Variants in TOP3B observed in about 807,000 individuals in gnomAD.
TOP3B encodes DNA topoisomerase 3-beta-1.
A neutral mutation model predicts 93.9 loss-of-function variants in TOP3B; 45 were observed. That is an observed-to-expected ratio of 0.48 (90% CI 0.38 to 0.61). The LOEUF is 0.61. Ranked by LOEUF, TOP3B falls within the 20% of genes least tolerant of loss-of-function variation. The probability of loss-of-function intolerance (pLI) is 0.00; values close to 1 mark genes in which losing one functional copy is unlikely to be tolerated. For synonymous variants in TOP3B, 357 were observed against 472.6 expected (o/e 0.76, Z 3.17); for missense variants, 750 against 1,156.1 (o/e 0.65, Z 5.09).
At chr22:21,964,554 G>C (rs976455448) in intron 9 of TOP3B, 5 of 566,628 alleles carry the variant, frequency 8.8e-6, no homozygotes, top group African/African-American at 1.9e-5. Context: ...GGATGGGCCT[G>C]ATGGGAAACG....
At position 21,974,556 on chromosome 22, in the gene TOP3B, C is replaced by T. The variant is rs2071780429; in HGVS notation, c.71-68G>A. The T allele has an allele frequency of 4.0e-6, 6 of 1,491,400 alleles. No homozygotes were observed. The South Asian group carries it at 6.3e-5, about 16-fold the overall frequency. The allele number at this position is 1,491,400 out of a possible 1,614,324, so 92.4% of individuals were successfully genotyped here. On this transcript the variant is annotated intron_variant, in intron 2 of 17. Transcript: ENST00000357179. ...GCTGAAGACCCTGTGGAGACCCCAG[C>T]CCGGATGCCACCTCCCAGAGGGCCA...
chr22:21,971,292 A>AGGG lies in TOP3B; in HGVS notation c.384+584_384+585insCCC, dbSNP rs3054504. 1.4e-5 allele frequency: 4 copies of AGGG among 291,144 alleles called. No homozygotes were observed. The highest frequency in any genetic ancestry group is 9.5e-5 in the Admixed American group (2 of 21,012). 18.0% of individuals were successfully genotyped at this position (291,144 alleles called of 1,614,324 possible). A position where few individuals can be genotyped will look rare whatever the true frequency, so the allele number is the denominator to read the frequency against. Reference sequence around the variant, plus strand: ...GTACAGGAGCACGGGGGCGACCCATAGAACAACAGTCTGAAGGGCACCAAG... The same window carrying AGGG: ...GTACAGGAGCACGGGGGCGACCCATAGGGGAACAACAGTCTGAAGGGCACCAAG... On this transcript the variant is annotated intron_variant, in intron 5 of 17. Coordinates refer to ENST00000357179, the MANE Select transcript of TOP3B (RefSeq NM_001282112.2). This position sits in a 1 kb window ranked among gnomAD's most constrained non-coding sequence, Gnocchi z 4.6.
chr22:21,963,900 C>T lies in TOP3B; in HGVS notation c.1204+23G>A, dbSNP rs771532412. The T allele has an allele frequency of 1.4e-5, 23 of 1,611,032 alleles. No individual in the cohort carries two copies. Among genetic ancestry groups the T allele is most frequent in the Middle Eastern group, 1.8e-4 (1 of 5,662 alleles). On this transcript the variant is annotated intron_variant, in intron 11 of 17. Coordinates refer to ENST00000357179, the MANE Select transcript of TOP3B (RefSeq NM_001282112.2). The surrounding 1 kb of genome is among the most constrained non-coding windows in gnomAD (Gnocchi z 4.8). ...CGCCCTTCCCTCCCTGGAAGCACAC[C>T]GGGTATGGGATGAGAGCGGTACCTA...
intron 1 of TOP3B, among the ~76,000 whole-genome samples, chr22:21,980,680 C>A (rs993906622): frequency 6.6e-6 from 1 of 152,252 alleles, no homozygotes; most frequent in Non-Finnish European, 1.5e-5. Flanking sequence ...CCCATGACAG[C>A]TCCAGCTGCA....
chr22:21,965,332 A>T lies in TOP3B; in HGVS notation c.896T>A (p.Leu299Gln). The change falls in exon 9 of 18, where the codon CTG (leucine) becomes CAG (glutamine). Residue 299 changes from leucine (L) to glutamine (Q), a missense_variant. Coordinates refer to ENST00000357179, the MANE Select transcript of TOP3B (RefSeq NM_001282112.2). ...CAGCATCTCCACAGTGTTCAGGGCC[A>T]GGGGCCTCTGCTTGGCCTTTTCTTT... ...SRKEKAKQRP[L>Q]ALNTVEMLRV... 6.2e-7 allele frequency: 1 copy of T among 1,609,658 alleles called. No individual in the cohort carries two copies. The highest frequency in any genetic ancestry group is 1.1e-5 in the South Asian group (1 of 90,108).
chr22:21,964,534 C>T, intron 9 of TOP3B: 1 of 593,288 alleles, frequency 1.7e-6, no homozygotes, highest in South Asian at 2.0e-5. Context: ...AAGGCTGAAT[C>T]CTACACCCAG....
rs574192868 is a variant in TOP3B at position 21,972,153 on chromosome 22, T to C, written c.310-202A>G. 9.1e-6 allele frequency: 5 copies of C among 550,368 alleles called. No individual in the cohort carries two copies. The East Asian group carries it at 1.5e-4, about 17-fold the overall frequency. 34.1% of individuals were successfully genotyped at this position (550,368 alleles called of 1,614,324 possible). ...GAATTGAGTTTATAATTGATGTTTTTTGGACCAAAAAAAAAAGTATAAATG... is the reference window on the plus strand; with the variant it reads ...GAATTGAGTTTATAATTGATGTTTTCTGGACCAAAAAAAAAAGTATAAATG... On this transcript the variant is annotated intron_variant, in intron 4 of 17. Coordinates refer to ENST00000357179, the MANE Select transcript of TOP3B (RefSeq NM_001282112.2).
intron 11 of TOP3B, 37 bp from the exon 12 acceptor site, chr22:21,962,930 T>G: frequency 6.2e-7 from 1 of 1,602,866 alleles, no homozygotes; most frequent in Non-Finnish European, 8.5e-7. Context: ...GGGAGCCAGC[T>G]GGGGGCTCTG....
Position 21,971,794 on chromosome 22 carries a change from G to T in TOP3B, c.384+83C>A. ...TTTACTCCCTCCTTTGGCCCCAGGA[G>T]TGATGTGACTGACTGCTGGTGTCAG... is the stretch of plus-strand genomic sequence containing the variant. On this transcript the variant is annotated intron_variant, in intron 5 of 17. Coordinates refer to ENST00000357179, the MANE Select transcript of TOP3B (RefSeq NM_001282112.2). The surrounding 1 kb of genome is among the most constrained non-coding windows in gnomAD (Gnocchi z 4.6). 1 of 1,259,562 alleles carries T rather than the reference G, an allele frequency of 7.9e-7. No homozygotes were observed. Among genetic ancestry groups the T allele is most frequent in the Non-Finnish European group, 1.2e-6 (1 of 859,620 alleles). The allele number at this position is 1,259,562 out of a possible 1,614,324, so 78.0% of individuals were successfully genotyped here. A position where few individuals can be genotyped will look rare whatever the true frequency, so the allele number is the denominator to read the frequency against.
rs754621026 is a variant in TOP3B at position 21,959,157 on chromosome 22, C to T, written c.1880G>A (p.Cys627Tyr). The change falls in exon 16 of 18, where the codon TGC becomes TAC. Residue 627 changes from cysteine (C) to tyrosine (Y), a missense_variant. By Grantham distance (194) the Cys-to-Tyr change is radical. Coordinates refer to ENST00000357179, the MANE Select transcript of TOP3B (RefSeq NM_001282112.2). Reference sequence around the variant, plus strand: ...CTGGATGTACTTCATGAAGCGGTGGCACTTCCCACAGCGTGAGAGGGGCTT... The same window carrying T: ...CTGGATGTACTTCATGAAGCGGTGGTACTTCCCACAGCGTGAGAGGGGCTT... Reference protein sequence around the residue: ...TGKPLSRCGKCHRFMKYIQAK... With the variant: ...TGKPLSRCGKYHRFMKYIQAK... 6.2e-7 allele frequency: 1 copy of T among 1,613,876 alleles called. No individual in the cohort carries two copies. The highest frequency in any genetic ancestry group is 1.1e-5 in the South Asian group (1 of 91,080).
At chr22:21,972,952 C>A in intron 3 of TOP3B, 1 of 513,864 alleles carries the variant, frequency 1.9e-6, no homozygotes, top group East Asian at 3.9e-5. Flanking sequence ...CCACCACACC[C>A]CGGCCAACCA....
intron 10 of TOP3B, 35 bp from the exon 11 acceptor site, chr22:21,964,063 G>A: frequency 1.9e-6 from 3 of 1,600,554 alleles, no homozygotes; most frequent in Non-Finnish European, 2.6e-6. Context: ...GTCTGTGGCT[G>A]GGCTCGGCTG....
intron 8 of TOP3B, chr22:21,967,263 G>C: frequency 3.7e-6 from 1 of 268,830 alleles, no homozygotes; most frequent in African/African-American, 2.2e-5. Flanking sequence ...CTCTACAGTT[G>C]TTAGTTTGAA....
Position 21,960,482 on chromosome 22 carries a change from T to A in TOP3B, c.1526-33A>T, listed in dbSNP as rs765713080. ...GTACAAGGCCCCAGGGTTCCTGGCC[T>A]GCCTTGGACATGCCCCACTGAACCA... is the stretch of plus-strand genomic sequence containing the variant. On this transcript the variant is annotated intron_variant, in intron 13 of 17. Transcript: ENST00000357179. 3.7e-6 allele frequency: 6 copies of A among 1,611,438 alleles called. No individual in the cohort carries two copies. In the South Asian group the frequency reaches 5.5e-5, roughly 15 times the overall value.
chr22:21,970,642 T>G lies in TOP3B; in HGVS notation c.385-236A>C, dbSNP rs1466119340. 7.1e-6 allele frequency: 4 copies of G among 565,872 alleles called. No individual in the cohort carries two copies. The East Asian group carries it at 1.2e-4, about 17-fold the overall frequency. The allele number at this position is 565,872 out of a possible 1,614,324, so 35.1% of individuals were successfully genotyped here. ...CACCCCACCACATGGCTTCCTTTAC[T>G]CCCATCTAGAAACATACTCGAACAC... On this transcript the variant is annotated intron_variant, in intron 5 of 17. Transcript: ENST00000357179. The surrounding 1 kb of genome is among the most constrained non-coding windows in gnomAD (Gnocchi z 4.4).
At chr22:21,957,950 A>G (rs1246730572) in intron 17 of TOP3B, 24 of 1,401,518 alleles carry the variant, frequency 1.7e-5, no homozygotes, top group Non-Finnish European at 2.0e-5. Context: ...TGGCGGCAGC[A>G]GGAGGGCAGG....
At chr22:21,958,856 G>C in intron 16 of TOP3B, 163 bp from the exon 17 acceptor site, 1 of 1,258,396 alleles carries the variant, frequency 7.9e-7, no homozygotes, top group Non-Finnish European at 1.1e-6. Flanking sequence ...CACGCGTGCA[G>C]AAAAGGCAGT....
Position 21,963,809 on chromosome 22 carries a change from GGGCA to G in TOP3B, c.1204+110_1204+113del. The G allele has an allele frequency of 9.1e-7, 1 of 1,096,108 alleles. No homozygotes were observed. The highest frequency in any genetic ancestry group is 2.0e-5 in the Admixed American group (1 of 49,758). 67.9% of individuals were successfully genotyped at this position (1,096,108 alleles called of 1,614,324 possible). ...AGGTGGCCCCCCATCCCCACAGCCA[GGGCA>G]GGCAGAGGCTGAAGGAGCCCCCACA... is the stretch of plus-strand genomic sequence containing the variant. On this transcript the variant is annotated intron_variant, in intron 11 of 17. Transcript: ENST00000357179. The surrounding 1 kb of genome is among the most constrained non-coding windows in gnomAD (Gnocchi z 4.8).
intron 1 of TOP3B, among the ~76,000 whole-genome samples, chr22:21,979,941 C>CAAAA (rs57880095): frequency 3.2e-4 from 17 of 53,386 alleles, no homozygotes; most frequent in East Asian, 6.0e-4. Flanking sequence ...ACTCCATCTC[C>CAAAA]AAAAAAAAAA....
Sources: allele counts gnomAD v4.1 joint callset (sites outside exome capture counted in the v4.1 genomes callset), GRCh38; gene constraint gnomAD v4.1.1; non-coding constraint Gnocchi (gnomAD v3.1); transcripts MANE v1.5; gene names NCBI Gene and HGNC (gene_info 2026-07-23, HGNC 2026-07-21).